Variants in XYLT1 observed in about 807,000 individuals in gnomAD.
The protein encoded by XYLT1 is beta-D-xylosyltransferase 1.
A neutral mutation model predicts 91.3 loss-of-function variants in XYLT1; 36 were observed. That is an observed-to-expected ratio of 0.39 (90% CI 0.30 to 0.52). The LOEUF (loss-of-function observed/expected upper bound fraction) is 0.52, where lower values mean the gene tolerates loss of function less well. Ranked by LOEUF, XYLT1 falls within the 20% of genes least tolerant of loss-of-function variation. The probability of loss-of-function intolerance (pLI) is 0.68; values close to 1 mark genes in which losing one functional copy is unlikely to be tolerated. For synonymous variants in XYLT1, 588 were observed against 532.0 expected, an observed-to-expected ratio of 1.11 and a Z score of -1.45; for missense variants, 1,242 against 1,284.5, an observed-to-expected ratio of 0.97 and a Z score of 0.51.
At chr16:17,374,642 G>C (rs199899594) in intron 1 of XYLT1, among the ~76,000 whole-genome samples, 1 of 144,464 alleles carries the variant, frequency 6.9e-6, no homozygotes, top group South Asian at 2.2e-4. Context: ...ATTACAGACA[G>C]AAAAAAAAAA....
intron 5 of XYLT1, among the ~76,000 whole-genome samples, chr16:17,191,997 G>A (rs1267895237): frequency 1.3e-5 from 2 of 151,866 alleles, no homozygotes; most frequent in Admixed American, 6.6e-5. Context: ...AGGGGCCAAG[G>A]ACACACTCAA....
intron 3 of XYLT1, among the ~76,000 whole-genome samples, chr16:17,240,847 G>A (rs2033334749): frequency 6.6e-6 from 1 of 152,064 alleles, no homozygotes; most frequent in Admixed American, 6.6e-5. Context: ...TTAGAGACGG[G>A]GAAAAATGAG....
intron 2 of XYLT1, among the ~76,000 whole-genome samples, chr16:17,357,727 C>T (rs973996162): frequency 5.3e-5 from 8 of 152,196 alleles, no homozygotes; most frequent in East Asian, 1.9e-4. Flanking sequence ...TGGGCAGGAG[C>T]GAAGGACAGA....
chr16:17,368,925 G>A (rs1435942376), intron 1 of XYLT1, among the ~76,000 whole-genome samples: 2 of 151,742 alleles, frequency 1.3e-5, no homozygotes, highest in African/African-American at 4.8e-5. Context: ...CTTGTTCCTG[G>A]ATTATGAATA....
chr16:17,112,443 A>T (rs2141478754), intron 11 of XYLT1, among the ~76,000 whole-genome samples: 1 of 151,916 alleles, frequency 6.6e-6, no homozygotes, highest in South Asian at 2.1e-4. Context: ...CTTCCTTAGA[A>T]ACCCTAGAAG....
At chr16:17,164,411 A>G (rs1027256573) in intron 5 of XYLT1, among the ~76,000 whole-genome samples, 1 of 151,920 alleles carries the variant, frequency 6.6e-6, no homozygotes, top group African/African-American at 2.4e-5. Flanking sequence ...TTTTCAGTGT[A>G]CAGTTCAGTG....
chr16:17,197,639 C>A (rs6498668), intron 5 of XYLT1, among the ~76,000 whole-genome samples: 1 of 152,056 alleles, frequency 6.6e-6, no homozygotes, highest in African/African-American at 2.4e-5. Context: ...TAAAAGCAGG[C>A]AGAACGTGGA....
At chr16:17,367,422 T>A (rs544239034) in intron 1 of XYLT1, among the ~76,000 whole-genome samples, 1 of 152,308 alleles carries the variant, frequency 6.6e-6, no homozygotes, top group South Asian at 2.1e-4. Flanking sequence ...TTCATCCCGA[T>A]AATTAGCTTT....
At position 17,108,629 on chromosome 16, in the gene XYLT1, G is replaced by A; in HGVS notation, c.*66C>T. ...CCCAGGGTGGGAGGCCGGGGTTCAG[G>A]CCCCACAACCCCTCTGGCTGCTTTC... On this transcript the variant is annotated 3_prime_UTR_variant, in exon 12 of 12. Coordinates refer to ENST00000261381, the MANE Select transcript of XYLT1 (RefSeq NM_022166.4). 1 of 1,458,568 alleles carries A rather than the reference G, an allele frequency of 6.9e-7. No individual in the cohort carries two copies. The highest frequency in any genetic ancestry group is 9.1e-7 in the Non-Finnish European group (1 of 1,100,534). The allele number at this position is 1,458,568 out of a possible 1,614,324, so 90.4% of individuals were successfully genotyped here.
At chr16:17,321,585 T>C (rs1176639712) in intron 2 of XYLT1, among the ~76,000 whole-genome samples, 2 of 152,018 alleles carry the variant, frequency 1.3e-5, no homozygotes, top group African/African-American at 4.8e-5. Flanking sequence ...CTCGAACTCC[T>C]GACCTCAAGT....
At chr16:17,119,934 A>G (rs2029987327) in intron 10 of XYLT1, among the ~76,000 whole-genome samples, 1 of 152,180 alleles carries the variant, frequency 6.6e-6, no homozygotes, top group Non-Finnish European at 1.5e-5. Context: ...CCATCTGTGT[A>G]CACTCACTGG....
intron 2 of XYLT1, among the ~76,000 whole-genome samples, chr16:17,295,626 G>C (rs939455209): frequency 6.6e-6 from 1 of 152,188 alleles, no homozygotes; most frequent in African/African-American, 2.4e-5. Flanking sequence ...AAAGTCCTGG[G>C]ATTATAGGCG....
intron 1 of XYLT1, chr16:17,446,464 C>CA (rs780719352): frequency 1.6e-4 from 24 of 152,118 alleles, no homozygotes; most frequent in Non-Finnish European, 2.8e-4. Context: ...CAAGCTCATC[C>CA]AATTAGGAAG....
At chr16:17,450,061 G>C (rs913207101) in intron 1 of XYLT1, among the ~76,000 whole-genome samples, 1 of 152,102 alleles carries the variant, frequency 6.6e-6, no homozygotes, top group Non-Finnish European at 1.5e-5. Context: ...GAGAAGGACC[G>C]GGAGTGGTGG....
At chr16:17,165,810 T>A (rs144413735) in intron 5 of XYLT1, among the ~76,000 whole-genome samples, 136 of 152,304 alleles carry the variant, frequency 8.9e-4, no homozygotes, top group Non-Finnish European at 1.2e-3. Flanking sequence ...TGAATAACTA[T>A]CTTTTCACAT....
At chr16:17,116,133 G>A (rs1450949941) in intron 11 of XYLT1, among the ~76,000 whole-genome samples, 2 of 152,202 alleles carry the variant, frequency 1.3e-5, no homozygotes, top group African/African-American at 4.8e-5. Flanking sequence ...ACTGTTGGCA[G>A]TGGTTTCTCT....
chr16:17,275,325 T>TA (rs1474680268), intron 2 of XYLT1, among the ~76,000 whole-genome samples: 8 of 152,206 alleles, frequency 5.3e-5, no homozygotes, highest in African/African-American at 1.4e-4. Flanking sequence ...GTTATAAACT[T>TA]ACATTGTTAC....
intron 2 of XYLT1, among the ~76,000 whole-genome samples, chr16:17,298,195 C>T (rs1445452696): frequency 1.3e-5 from 2 of 152,000 alleles, no homozygotes; most frequent in East Asian, 3.9e-4. Flanking sequence ...AGTGTAAAAT[C>T]GGTTCCGTCA....
At position 17,337,850 on chromosome 16, in the gene XYLT1, G is replaced by A. The variant is rs930842712; in HGVS notation, c.402+20162C>T. 2.1e-5 allele frequency among the ~76,000 whole-genome samples: 3 copies of A among 140,056 alleles called. No individual in the cohort carries two copies. The Admixed American group carries it at 2.4e-4, about 11-fold the overall frequency. The allele number at this position is 140,056 out of a possible 152,430, so 91.9% of individuals were successfully genotyped here. ...GGCTGGAGCGCAGTGACGCCATCTC[G>A]GCTCACTCCAGCTTCTGTCTCCAGG... On this transcript the variant is annotated intron_variant, in intron 2 of 11. Transcript: ENST00000261381.
Sources: allele counts gnomAD v4.1 joint callset (sites outside exome capture counted in the v4.1 genomes callset), GRCh38; gene constraint gnomAD v4.1.1; transcripts MANE v1.5; gene names NCBI Gene and HGNC (gene_info 2026-07-23, HGNC 2026-07-21).